The following SETBP1 variants were observed in gnomAD, a reference collection of about 807,000 sequenced individuals.
SETBP1 encodes SET binding protein 1.
In SETBP1, 9 loss-of-function variants were observed where a neutral mutation model predicts 101.0. The observed-to-expected ratio is 0.09, with a 90% CI of 0.05 to 0.16. The LOEUF is 0.16. Ranked by LOEUF, SETBP1 falls within the 10% of genes least tolerant of loss-of-function variation. The pLI is 1.00. For synonymous variants in SETBP1, 818 were observed against 788.5 expected (o/e 1.04, Z -0.63); for missense variants, 1,858 against 2,033.8 (o/e 0.91, Z 1.66).
At chr18:44,909,399 G>A (rs1360368259) in intron 3 of SETBP1, among the ~76,000 whole-genome samples, 3 of 152,258 alleles carry the variant, frequency 2.0e-5, no homozygotes, top group Non-Finnish European at 4.4e-5. Flanking sequence ...TTGTTCTCCT[G>A]GCTGACTGCA....
intron 4 of SETBP1, among the ~76,000 whole-genome samples, chr18:45,008,082 A>G (rs79116377): frequency 0.076 from 11,526 of 152,194 alleles, 514 homozygotes; most frequent in South Asian, 0.18. Context: ...GCCCTCCAGT[A>G]TATGCTAATG....
At chr18:44,838,074 A>T (rs2072534482) in intron 2 of SETBP1, among the ~76,000 whole-genome samples, 2 of 152,156 alleles carry the variant, frequency 1.3e-5, no homozygotes, top group African/African-American at 2.4e-5. Flanking sequence ...AATGAAGATG[A>T]TCCCAGGCTT....
At chr18:44,692,579 G>A (rs2068952670) in intron 1 of SETBP1, among the ~76,000 whole-genome samples, 1 of 152,194 alleles carries the variant, frequency 6.6e-6, no homozygotes, top group Non-Finnish European at 1.5e-5. Context: ...TCTAGTGGGA[G>A]AGAGAGGCAG....
chr18:44,980,243 G>T (rs1190104530), intron 4 of SETBP1, among the ~76,000 whole-genome samples: 1 of 152,168 alleles, frequency 6.6e-6, no homozygotes, highest in Non-Finnish European at 1.5e-5. Flanking sequence ...TAAATTGATT[G>T]CTGAAATAAG....
chr18:45,063,082 G>A lies in SETBP1; in HGVS notation c.4175G>A (p.Gly1392Asp). Residue 1392 changes from glycine (G) to aspartate (D), a missense_variant, in exon 6 of 6, where the codon GGC becomes GAC. This residue lies in a region of SETBP1 where 417 missense variants were observed against 389.1 expected (regional missense o/e 1.07). Coordinates refer to ENST00000649279, the MANE Select transcript of SETBP1 (RefSeq NM_015559.3). ...CTTATCTCTTCCCCTCCCGCAGTCG[G>A]CTCCTCCCTGAAGAAGAGGTTCAAG... The part of the protein sequence containing the change: ...AASAATSDAV[G>D]SSLKKRFKRR... 1 of 1,613,912 alleles carries A rather than the reference G, an allele frequency of 6.2e-7. No homozygotes were observed. Among genetic ancestry groups the A allele is most frequent in the Non-Finnish European group, 8.5e-7 (1 of 1,180,020 alleles).
At chr18:44,938,109 T>C (rs2071004156) in intron 3 of SETBP1, among the ~76,000 whole-genome samples, 1 of 152,090 alleles carries the variant, frequency 6.6e-6, no homozygotes, top group African/African-American at 2.4e-5. Context: ...GCAGACACCA[T>C]GGTCAGGACC....
intron 3 of SETBP1, among the ~76,000 whole-genome samples, chr18:44,923,813 C>A (rs1395224998): frequency 6.6e-6 from 1 of 152,110 alleles, no homozygotes; most frequent in Non-Finnish European, 1.5e-5. Flanking sequence ...ACATTGAAAC[C>A]CACAACTTTC....
At chr18:44,698,924 A>G (rs2069064742) in intron 1 of SETBP1, among the ~76,000 whole-genome samples, 1 of 152,180 alleles carries the variant, frequency 6.6e-6, no homozygotes. Flanking sequence ...ACGTAGTAAA[A>G]TGTAAGAAAT....
chr18:44,965,103 C>A (rs1157571647), intron 4 of SETBP1, among the ~76,000 whole-genome samples: 14 of 152,190 alleles, frequency 9.2e-5, no homozygotes, highest in Admixed American at 9.2e-4. Flanking sequence ...TCTTGAATAT[C>A]ACTGAATGTT....
chr18:44,796,558 A>G (rs1407963649), intron 2 of SETBP1, among the ~76,000 whole-genome samples: 2 of 152,238 alleles, frequency 1.3e-5, no homozygotes, highest in South Asian at 4.1e-4. Context: ...CAACTGCAGC[A>G]TGAGTTGAGA....
chr18:44,864,014 G>A (rs900899232), intron 2 of SETBP1, among the ~76,000 whole-genome samples: 2 of 152,080 alleles, frequency 1.3e-5, no homozygotes, highest in Non-Finnish European at 2.9e-5. Flanking sequence ...CAATTGGTGC[G>A]GGTATGTGAG....
intron 2 of SETBP1, among the ~76,000 whole-genome samples, chr18:44,853,995 T>C (rs2072922938): frequency 6.6e-6 from 1 of 152,200 alleles, no homozygotes; most frequent in Admixed American, 6.5e-5. Context: ...TTAATTCTTT[T>C]GTCCTACCCA....
intron 4 of SETBP1, among the ~76,000 whole-genome samples, chr18:44,977,519 G>A (rs1345572901): frequency 6.6e-6 from 1 of 152,224 alleles, no homozygotes; most frequent in East Asian, 1.9e-4. Context: ...TGCCTTCCAG[G>A]CACTAGACTT....
chr18:44,954,749 A>C (rs1568239471), intron 4 of SETBP1, among the ~76,000 whole-genome samples: 4 of 152,224 alleles, frequency 2.6e-5, no homozygotes, highest in Admixed American at 2.6e-4. Context: ...GTGTCTGCCC[A>C]AAGTGGATGT....
chr18:44,689,169 T>C (rs1598991875), intron 1 of SETBP1, among the ~76,000 whole-genome samples: 1 of 152,188 alleles, frequency 6.6e-6, no homozygotes, highest in Non-Finnish European at 1.5e-5. Flanking sequence ...AAAGGGACAT[T>C]CTTGGCGGGT....
chr18:44,950,519 T>C lies in SETBP1; in HGVS notation c.1179T>C (p.Pro393=). The C allele has an allele frequency of 1.2e-6, 2 of 1,614,018 alleles. No individual in the cohort carries two copies. The highest frequency in any genetic ancestry group is 2.2e-5 in the South Asian group (2 of 91,078). The change falls in exon 4 of 6, where the codon CCT becomes CCC. Residue 393 remains proline (P), a synonymous_variant. Transcript: ENST00000649279. ...AGAACGTGAGTTCTGCCAGTAATCC[T>C]GAAAATGACTCAAGTCATGTCCGGA... ...ARQNVSSASN[P]ENDSSHVRIT...
chr18:44,875,392 C>T (rs2069376051), intron 3 of SETBP1, among the ~76,000 whole-genome samples: 1 of 151,906 alleles, frequency 6.6e-6, no homozygotes, highest in African/African-American at 2.4e-5. Context: ...GTGCTGCGTG[C>T]CTGTAGTCCC....
chr18:44,714,205 C>T (rs2069409743), intron 2 of SETBP1, among the ~76,000 whole-genome samples: 1 of 151,976 alleles, frequency 6.6e-6, no homozygotes, highest in Admixed American at 6.6e-5. Flanking sequence ...TCTTAGGTCT[C>T]CTTTTTTTTT....
chr18:45,063,281 G>A lies in SETBP1; in HGVS notation c.4374G>A (p.Arg1458=), dbSNP rs2145593283. Residue 1458 remains arginine (R), a synonymous_variant, in exon 6 of 6, where the codon AGG becomes AGA. Coordinates refer to ENST00000649279, the MANE Select transcript of SETBP1 (RefSeq NM_015559.3). The part of the protein sequence containing the change: ...NFVKKRRGRP[R]KQPTQFDEDS... ...TGAAGAAGAGGCGCGGGCGTCCCAG[G>A]AAGCAGCCCACCCAGTTCGATGAGG... is the stretch of plus-strand genomic sequence containing the variant. 1 of 1,610,430 alleles carries A rather than the reference G, an allele frequency of 6.2e-7. No individual in the cohort carries two copies. The highest frequency in any genetic ancestry group is 8.5e-7 in the Non-Finnish European group (1 of 1,178,162).
Sources: gnomAD v4.1 joint callset for allele counts (sites outside exome capture counted in the v4.1 genomes callset) on GRCh38, gnomAD v4.1.1 for gene constraint, gnomAD v4.1.1 regional missense constraint, MANE v1.5 for transcripts, NCBI Gene and HGNC (gene_info 2026-07-23, HGNC 2026-07-21) for gene names.